The following EPB41L4A variants were observed in gnomAD, a reference collection of about 807,000 sequenced individuals.
The protein encoded by EPB41L4A is band 4.1-like protein 4A.
In EPB41L4A, 100 loss-of-function variants were observed where a neutral mutation model predicts 108.6. The observed-to-expected ratio is 0.92, with a 90% confidence interval of 0.78 to 1.09. The LOEUF (loss-of-function observed/expected upper bound fraction) is 1.09. Among genes scored for constraint, EPB41L4A ranks in the 50% least tolerant of loss-of-function variants. The pLI is 0.00. For synonymous variants in EPB41L4A, 319 were observed against 289.0 expected, an observed-to-expected ratio of 1.10 and a Z score of -1.05; for missense variants, 1,030 against 842.7, an observed-to-expected ratio of 1.22 and a Z score of -2.75.
rs114730018 is a variant in EPB41L4A at position 112,154,252 on chromosome 5, G to C, written n.994+4149C>G. Among the ~76,000 whole-genome samples, 726 of 152,312 alleles carry C rather than the reference G, an allele frequency of 4.8e-3. 5 individuals carry two copies. Among genetic ancestry groups the C allele is most frequent in the African/African-American group, 0.017 (689 of 41,564 alleles). On this transcript the variant is annotated intron_variant and non_coding_transcript_variant, in intron 12 of 13. Transcript: ENST00000507810. ...CTCCAGTTCACCTGACTCATAGTAA[G>C]CTTTCTAGCACCAGTGAATACACTC...
chr5:112,180,931 AC>A (rs1761114569), intron 18 of EPB41L4A, among the ~76,000 whole-genome samples: 1 of 152,222 alleles, frequency 6.6e-6, no homozygotes, highest in Non-Finnish European at 1.5e-5. Context: ...TATATGAATA[AC>A]CAGTAAGCAC....
chr5:112,239,309 G>C (rs1371199298), intron 11 of EPB41L4A, among the ~76,000 whole-genome samples: 6 of 152,184 alleles, frequency 3.9e-5, no homozygotes, highest in African/African-American at 1.4e-4. Flanking sequence ...GGGATCAACT[G>C]AATGTCTTAA....
At chr5:112,171,204 CCAGT>C (rs2150204620) in intron 18 of EPB41L4A, among the ~76,000 whole-genome samples, 1 of 152,258 alleles carries the variant, frequency 6.6e-6, no homozygotes, top group East Asian at 1.9e-4. Context: ...ATCATAAAAC[CCAGT>C]CATAACCAGA....
At chr5:112,323,723 A>C (rs1755959005) in intron 1 of EPB41L4A, among the ~76,000 whole-genome samples, 1 of 152,288 alleles carries the variant, frequency 6.6e-6, no homozygotes, top group African/African-American at 2.4e-5. Context: ...AGTCTCCCTT[A>C]CCACAGTAAG....
intron 1 of EPB41L4A, among the ~76,000 whole-genome samples, chr5:112,344,286 G>A (rs1302431307): frequency 6.6e-6 from 1 of 152,170 alleles, no homozygotes; most frequent in Non-Finnish European, 1.5e-5. Context: ...ACATCTACAT[G>A]TGGCTCAAGT....
At position 112,277,813 on chromosome 5, in the gene EPB41L4A, T is replaced by C. The variant is rs191268898; in HGVS notation, c.257-2409A>G. The stretch of plus-strand genomic sequence containing the variant: ...TCTAGCCAGATATTTTTTGGCTCCC[T>C]ATTCTAAGACTGACTACAAAAAAGT... On this transcript the variant is annotated intron_variant, in intron 3 of 22. Transcript: ENST00000261486. 8.7e-4 allele frequency among the ~76,000 whole-genome samples: 133 copies of C among 152,350 alleles called. 1 individual carries two copies. Among genetic ancestry groups the C allele is most frequent in the African/African-American group, 3.1e-3 (128 of 41,590 alleles).
chr5:112,345,734 G>A (rs1757602035), intron 1 of EPB41L4A, among the ~76,000 whole-genome samples: 1 of 150,442 alleles, frequency 6.6e-6, no homozygotes, highest in African/African-American at 2.4e-5. Flanking sequence ...GTTGTAGGAT[G>A]TGCACAATGC....
intron 1 of EPB41L4A, among the ~76,000 whole-genome samples, chr5:112,345,805 A>G (rs1222502968): frequency 6.6e-6 from 1 of 151,462 alleles, no homozygotes; most frequent in African/African-American, 2.4e-5. Context: ...ACACACACAC[A>G]CACACACACA....
At chr5:112,327,789 T>A (rs560530666) in intron 1 of EPB41L4A, among the ~76,000 whole-genome samples, 25 of 151,948 alleles carry the variant, frequency 1.6e-4, no homozygotes, top group African/African-American at 5.8e-4. Flanking sequence ...ACAGTAAACA[T>A]CTCGCAAGTA....
At chr5:112,161,974 C>T (rs937773686), downstream of EPB41L4A, 2 of 155,472 alleles carry the variant, frequency 1.3e-5, no homozygotes, top group African/African-American at 4.8e-5. Context: ...CCTGAGAAGC[C>T]CAGGGAAATA....
chr5:112,229,430 T>C (rs905098003), intron 12 of EPB41L4A, among the ~76,000 whole-genome samples: 9 of 152,104 alleles, frequency 5.9e-5, no homozygotes, highest in African/African-American at 2.2e-4. Flanking sequence ...TTTATTTCAA[T>C]AGTTTTAGGG....
intron 9 of EPB41L4A, among the ~76,000 whole-genome samples, chr5:112,256,043 A>G (rs1267990192): frequency 6.6e-6 from 1 of 152,152 alleles, no homozygotes; most frequent in African/African-American, 2.4e-5. Flanking sequence ...TCCATAATCC[A>G]ACAGCTTCTC....
chr5:112,184,374 A>C (rs1761320923), intron 17 of EPB41L4A, among the ~76,000 whole-genome samples: 1 of 152,196 alleles, frequency 6.6e-6, no homozygotes, highest in African/African-American at 2.4e-5. Context: ...TTCTGATTTT[A>C]ATTTTCTAGG....
intron 1 of EPB41L4A, among the ~76,000 whole-genome samples, chr5:112,414,023 T>G (rs1350999691): frequency 6.6e-6 from 1 of 152,192 alleles, no homozygotes; most frequent in Non-Finnish European, 1.5e-5. Context: ...ATACTGTACA[T>G]CATTTCTCTT....
At chr5:112,323,800 G>C (rs1051303220) in intron 1 of EPB41L4A, among the ~76,000 whole-genome samples, 1 of 152,202 alleles carries the variant, frequency 6.6e-6, no homozygotes, top group South Asian at 2.1e-4. Context: ...AGTAGTCACA[G>C]ACTAAAGATA....
rs1466206242 is a variant in EPB41L4A at position 112,163,341 on chromosome 5, A to G, written c.*1649T>C. Reference sequence around the variant, plus strand: ...GCTGAATTTTTAAATTACCTTTGAGAAACCCAAATGGTCTTTTTGCAGTAG... The same window carrying G: ...GCTGAATTTTTAAATTACCTTTGAGGAACCCAAATGGTCTTTTTGCAGTAG... On this transcript the variant is annotated 3_prime_UTR_variant, in exon 23 of 23. Coordinates refer to ENST00000261486, the MANE Select transcript of EPB41L4A (RefSeq NM_022140.5). 6.6e-6 allele frequency: 1 copy of G among 152,194 alleles called. No homozygotes were observed. The highest frequency in any genetic ancestry group is 2.4e-5 in the African/African-American group (1 of 41,434). 9.4% of individuals were successfully genotyped at this position (152,194 alleles called of 1,614,324 possible).
At chr5:112,319,892 T>C (rs752475902) in intron 1 of EPB41L4A, among the ~76,000 whole-genome samples, 2 of 152,276 alleles carry the variant, frequency 1.3e-5, no homozygotes, top group Non-Finnish European at 2.9e-5. Flanking sequence ...GGGTATTATG[T>C]ATTAAAGCAT....
chr5:112,211,715 G>A (rs886311007), intron 12 of EPB41L4A, among the ~76,000 whole-genome samples: 1 of 152,150 alleles, frequency 6.6e-6, no homozygotes, highest in Non-Finnish European at 1.5e-5. Flanking sequence ...GTTTCCTCCA[G>A]AGCAGTTGGG....
At chr5:112,301,151 A>G (rs1215162525) in intron 2 of EPB41L4A, among the ~76,000 whole-genome samples, 1 of 151,982 alleles carries the variant, frequency 6.6e-6, no homozygotes, top group East Asian at 1.9e-4. Flanking sequence ...TTTCAGGTCA[A>G]TCAGGGACTT....
Sources: gnomAD v4.1 joint callset for allele counts (sites outside exome capture counted in the v4.1 genomes callset) on GRCh38, gnomAD v4.1.1 for gene constraint, MANE v1.5 for transcripts, NCBI Gene and HGNC (gene_info 2026-07-23, HGNC 2026-07-21) for gene names.